The following ZFYVE21 variants were observed in gnomAD, a reference collection of about 807,000 sequenced individuals.
ZFYVE21 encodes zinc finger FYVE-type containing 21.
A neutral mutation model predicts 29.5 loss-of-function variants in ZFYVE21; 21 were observed. The ratio of observed to expected loss-of-function variants is 0.71; its 90% CI spans 0.50 to 1.02. The LOEUF (loss-of-function observed/expected upper bound fraction) is 1.02, where lower values mean the gene tolerates loss of function less well. Ranked by LOEUF, ZFYVE21 falls within the 50% of genes least tolerant of loss-of-function variation. The pLI, the probability that ZFYVE21 is intolerant of heterozygous loss-of-function variation, is 0.00. For missense variants in ZFYVE21, 326 were observed against 335.4 expected, an observed-to-expected ratio of 0.97 and a Z score of 0.22; for synonymous variants, 151 against 133.8, an observed-to-expected ratio of 1.13 and a Z score of -0.89.
intron 2 of ZFYVE21, chr14:103,727,171 C>T (rs2083934861): frequency 8.5e-6 from 3 of 352,982 alleles, no homozygotes; most frequent in South Asian, 2.4e-5. Context: ...GTCTCGAACT[C>T]CTGACCTCAA....
chr14:103,715,972 A>G lies in ZFYVE21; in HGVS notation c.131A>G (p.Asp44Gly), dbSNP rs2083800886. 3.0e-6 allele frequency: 4 copies of G among 1,340,540 alleles called. No homozygotes were observed. The highest frequency in any genetic ancestry group is 3.9e-6 in the Non-Finnish European group (4 of 1,031,364). The allele number at this position is 1,340,540 out of a possible 1,614,324, so 83.0% of individuals were successfully genotyped here. ...CTGGAGGAGCCGCAGTGGGTCCCGG[A>G]CAAGGAGGTGGGTGGCCGTCGCCCC... ...FGLEEPQWVP[D>G]KECRRCMQCD... The change falls in exon 1 of 7, where the codon GAC becomes GGC. Residue 44 changes from aspartate to glycine, a missense_variant. By Grantham distance (94) the Asp-to-Gly change is moderately conservative (BLOSUM62 -1). Coordinates refer to ENST00000311141, the MANE Select transcript of ZFYVE21 (RefSeq NM_024071.4).
Position 103,727,922 on chromosome 14 carries a change from C to T in ZFYVE21, c.358+8C>T, listed in dbSNP as rs374942984. Reference sequence around the variant, plus strand: ...TCAAAGTGCTCCTGAGCGGTAAGGACGGGTGTCCTGCACAGTCCCGCGCGC... The same window carrying T: ...TCAAAGTGCTCCTGAGCGGTAAGGATGGGTGTCCTGCACAGTCCCGCGCGC... On this transcript the variant is annotated splice_region_variant and intron_variant, in intron 3 of 6. Transcript: ENST00000311141. 3 of 1,609,180 alleles carry T rather than the reference C, an allele frequency of 1.9e-6. No individual in the cohort carries two copies. Among genetic ancestry groups the T allele is most frequent in the Non-Finnish European group, 2.5e-6 (3 of 1,177,204 alleles).
chr14:103,720,208 G>A (rs936230156), intron 1 of ZFYVE21, among the ~76,000 whole-genome samples: 3 of 152,090 alleles, frequency 2.0e-5, no homozygotes, highest in East Asian at 1.9e-4. Flanking sequence ...TCTGCTCTTT[G>A]GATTCTCCTT....
At chr14:103,729,339 A>AT (rs1261392005) in intron 5 of ZFYVE21, 157 bp downstream of exon 5, 1 of 693,096 alleles carries the variant, frequency 1.4e-6, no homozygotes, top group South Asian at 1.9e-5. Context: ...CGGGGCGTGT[A>AT]TTTACTCAGT....
At chr14:103,722,131 T>C (rs1002062264) in intron 1 of ZFYVE21, among the ~76,000 whole-genome samples, 2 of 151,830 alleles carry the variant, frequency 1.3e-5, no homozygotes, top group Non-Finnish European at 2.9e-5. Flanking sequence ...ACTGGCGGGG[T>C]AGGTATTTGG....
Position 103,732,898 on chromosome 14 carries a change from A to C in ZFYVE21, c.670-85A>C, listed in dbSNP as rs2083998786. On this transcript the variant is annotated intron_variant, in intron 6 of 6. Transcript: ENST00000311141. ...CCCCCTCAGCTGGGGTGCCCACGCC[A>C]TCTCCCCTGAAATGCACACAGGCTT... 1.9e-6 allele frequency: 3 copies of C among 1,606,240 alleles called. No individual in the cohort carries two copies. The South Asian group carries it at 3.3e-5, about 18-fold the overall frequency.
intron 1 of ZFYVE21, chr14:103,726,343 A>T (rs2083924163): frequency 6.4e-6 from 1 of 155,950 alleles, no homozygotes; most frequent in Admixed American, 6.5e-5. Flanking sequence ...GTGCTAGCAC[A>T]GCCTTCCCTG....
chr14:103,722,343 G>A (rs775359373), intron 1 of ZFYVE21, among the ~76,000 whole-genome samples: 1 of 145,398 alleles, frequency 6.9e-6, no homozygotes, highest in East Asian at 2.0e-4. Flanking sequence ...CCTAGGTGTG[G>A]TCTGTCTCTT....
intron 1 of ZFYVE21, among the ~76,000 whole-genome samples, chr14:103,722,104 C>T (rs1335946033): frequency 6.6e-6 from 1 of 152,216 alleles, no homozygotes; most frequent in Admixed American, 6.5e-5. Context: ...CCTGCGCTTC[C>T]TTTGCGGGGC....
At position 103,733,013 on chromosome 14, in the gene ZFYVE21, C is replaced by A; in HGVS notation, c.700C>A (p.Gln234Lys). ...AAKLLYESRD[Q>K] ...CAAGCTCCTCTATGAATCTCGGGAC[C>A]AGTAACTCTACGTGGGGCTGAGCTT... Residue 234 changes from glutamine to lysine, a missense_variant, in exon 7 of 7, where the codon CAG becomes AAG. Physicochemically the swap from Gln to Lys is moderately conservative, Grantham distance 53 (BLOSUM62 1). Coordinates refer to ENST00000311141, the MANE Select transcript of ZFYVE21 (RefSeq NM_024071.4). The A allele has an allele frequency of 6.2e-7, 1 of 1,614,138 alleles. No individual in the cohort carries two copies. Among genetic ancestry groups the A allele is most frequent in the South Asian group, 1.1e-5 (1 of 91,082 alleles).
At position 103,726,640 on chromosome 14, in the gene ZFYVE21, C is replaced by T. The variant is rs568570283; in HGVS notation, c.139-152C>T. On this transcript the variant is annotated intron_variant, in intron 1 of 6. Transcript: ENST00000311141. ...TGGAGCCTGGGCACAGGCGGCCAGTCCACCGTCCTGCGTCACAACCCTGCC... is the reference window on the plus strand; with the variant it reads ...TGGAGCCTGGGCACAGGCGGCCAGTTCACCGTCCTGCGTCACAACCCTGCC... 5 of 961,626 alleles carry T rather than the reference C, an allele frequency of 5.2e-6. No homozygotes were observed. The East Asian group carries it at 1.2e-4, about 24-fold the overall frequency. 59.6% of individuals were successfully genotyped at this position (961,626 alleles called of 1,614,324 possible). A position where few individuals can be genotyped will look rare whatever the true frequency, so the allele number is the denominator to read the frequency against.
At chr14:103,717,642 C>T (rs889311473) in intron 1 of ZFYVE21, among the ~76,000 whole-genome samples, 40 of 152,256 alleles carry the variant, frequency 2.6e-4, no homozygotes, top group African/African-American at 7.2e-4. Flanking sequence ...GGAGTTGAAA[C>T]ACTTGAGTCA....
intron 1 of ZFYVE21, 193 bp from the exon 2 acceptor site, chr14:103,726,599 C>T: frequency 1.5e-6 from 1 of 680,724 alleles, no homozygotes; most frequent in Admixed American, 2.3e-5. Flanking sequence ...CAGCCTGCAC[C>T]CCACCGCATT....
At chr14:103,727,630 G>T (rs1487467961) in intron 2 of ZFYVE21, 116 bp from the exon 3 acceptor site, 1 of 1,376,724 alleles carries the variant, frequency 7.3e-7, no homozygotes, top group African/African-American at 1.4e-5. Context: ...TGCAGCGGCC[G>T]GCACAGGGGC....
rs909850860 is a variant in ZFYVE21 at position 103,716,402 on chromosome 14, G to A, written c.138+423G>A. On this transcript the variant is annotated intron_variant, in intron 1 of 6. Coordinates refer to ENST00000311141, the MANE Select transcript of ZFYVE21 (RefSeq NM_024071.4). The surrounding 1 kb of genome is among the most constrained non-coding windows in gnomAD (Gnocchi z 4.8). ...AGCGCCTTCCTCGCAGGCTCGGTGG[G>A]GAGGGCGCGTGCTGTCCGCGGAAGC... Among the ~76,000 whole-genome samples, 6 of 152,132 alleles carry A rather than the reference G, an allele frequency of 3.9e-5. No individual in the cohort carries two copies. The highest frequency in any genetic ancestry group is 1.4e-4 in the African/African-American group (6 of 41,448).
At chr14:103,727,473 T>G (rs1313538600) in intron 2 of ZFYVE21, 2 of 562,640 alleles carry the variant, frequency 3.6e-6, no homozygotes, top group African/African-American at 3.7e-5. Context: ...GAGGGCGTCC[T>G]AAGCAGTGGG....
At chr14:103,730,204 T>C in intron 5 of ZFYVE21, 1 of 269,698 alleles carries the variant, frequency 3.7e-6, no homozygotes, top group Admixed American at 5.2e-5. Flanking sequence ...GGCCTGCTGC[T>C]CCCCAGCTCA....
intron 1 of ZFYVE21, among the ~76,000 whole-genome samples, chr14:103,717,161 G>A (rs114839171): frequency 0.016 from 2,463 of 152,208 alleles, 62 homozygotes; most frequent in African/African-American, 0.055. Flanking sequence ...TACAGTGTAC[G>A]GAGCCATCAC....
chr14:103,729,862 C>T (rs1217071964), intron 5 of ZFYVE21: 1 of 1,535,866 alleles, frequency 6.5e-7, no homozygotes. Context: ...CCTCTTCCTC[C>T]TCACCGGGGC....
Sources: allele counts gnomAD v4.1 joint callset (sites outside exome capture counted in the v4.1 genomes callset), GRCh38; gene constraint gnomAD v4.1.1; non-coding constraint Gnocchi (gnomAD v3.1); transcripts MANE v1.5; gene names NCBI Gene and HGNC (gene_info 2026-07-23, HGNC 2026-07-21).